Variants in PPP4R1 observed in about 807,000 individuals in gnomAD.
PPP4R1 encodes serine/threonine-protein phosphatase 4 regulatory subunit 1.
A neutral mutation model predicts 111.2 loss-of-function variants in PPP4R1; 42 were observed. The observed-to-expected ratio is 0.38, with a 90% CI of 0.29 to 0.49. The LOEUF is 0.49. PPP4R1 is among the 20% of genes least tolerant of loss of function. The pLI, the probability that PPP4R1 is intolerant of heterozygous loss-of-function variation, is 0.97. For synonymous variants in PPP4R1, 409 were observed against 405.5 expected, an observed-to-expected ratio of 1.01 and a Z score of -0.10; for missense variants, 1,012 against 1,161.6, an observed-to-expected ratio of 0.87 and a Z score of 1.87.
At chr18:9,564,561 C>T (rs1317219994) in intron 11 of PPP4R1, among the ~76,000 whole-genome samples, 1 of 152,156 alleles carries the variant, frequency 6.6e-6, no homozygotes, top group African/African-American at 2.4e-5. Flanking sequence ...AGAATTTCGG[C>T]TGCAATTTTC....
At chr18:9,550,464 C>T (rs1430463111) in intron 16 of PPP4R1, 66 bp from the exon 17 acceptor site, 4 of 1,489,388 alleles carry the variant, frequency 2.7e-6, no homozygotes. Context: ...ATAGGTTACC[C>T]ATTTAAATCA....
chr18:9,583,929 A>G (rs1221323349), intron 8 of PPP4R1, among the ~76,000 whole-genome samples: 2 of 152,124 alleles, frequency 1.3e-5, no homozygotes, highest in African/African-American at 4.8e-5. Context: ...CCAACATGAA[A>G]GATCACTGAT....
At chr18:9,593,407 A>G (rs2067243381) in intron 4 of PPP4R1, among the ~76,000 whole-genome samples, 1 of 151,502 alleles carries the variant, frequency 6.6e-6, no homozygotes, top group Admixed American at 6.6e-5. Flanking sequence ...ACCACACAGA[A>G]AGCAAGCTTT....
chr18:9,570,097 A>T (rs1432667542), intron 11 of PPP4R1, 60 bp downstream of exon 11: 1 of 1,462,218 alleles, frequency 6.8e-7, no homozygotes, highest in African/African-American at 1.4e-5. Flanking sequence ...AAATTTTTTT[A>T]AGATAGACAC....
chr18:9,573,876 A>G (rs1044327115), intron 10 of PPP4R1, among the ~76,000 whole-genome samples: 2 of 152,258 alleles, frequency 1.3e-5, no homozygotes, highest in African/African-American at 4.8e-5. Flanking sequence ...TAGTTTGTCC[A>G]AACTTAAAAC....
At chr18:9,587,368 G>A (rs887371113) in intron 6 of PPP4R1, 2 of 151,302 alleles carry the variant, frequency 1.3e-5, no homozygotes, top group Non-Finnish European at 2.9e-5. Flanking sequence ...TTAACAGAAA[G>A]CAGCCTTTTC....
At chr18:9,577,725 C>T (rs1173765732) in intron 9 of PPP4R1, among the ~76,000 whole-genome samples, 1 of 151,996 alleles carries the variant, frequency 6.6e-6, no homozygotes, top group Non-Finnish European at 1.5e-5. Flanking sequence ...TTTTTATCCT[C>T]TCTTGAATGT....
In PPP4R1 at chr18:9,614,539, G is replaced by A. The variant is rs1167807549; in HGVS notation, c.-55C>T. Reference sequence around the variant, plus strand: ...CCGGGGAGCCGGGGCTACATGGAGCGGCGCGAGCCGGGGAGCCGGTGGACG... The same window carrying A: ...CCGGGGAGCCGGGGCTACATGGAGCAGCGCGAGCCGGGGAGCCGGTGGACG... On this transcript the variant is annotated 5_prime_UTR_variant, in exon 1 of 20. Coordinates refer to ENST00000400556, the MANE Select transcript of PPP4R1 (RefSeq NM_001042388.3). This position sits in a 1 kb window ranked among gnomAD's most constrained non-coding sequence, Gnocchi z 4.1. The A allele has an allele frequency of 1.0e-6, 1 of 1,001,108 alleles. No individual in the cohort carries two copies. The highest frequency in any genetic ancestry group is 1.2e-6 in the Non-Finnish European group (1 of 841,218). 62.0% of individuals were successfully genotyped at this position (1,001,108 alleles called of 1,614,324 possible).
intron 2 of PPP4R1, among the ~76,000 whole-genome samples, chr18:9,606,260 G>A (rs2067480198): frequency 6.6e-6 from 1 of 152,094 alleles, no homozygotes; most frequent in African/African-American, 2.4e-5. Context: ...ACAGTGAAGG[G>A]GTTGGCCAAC....
chr18:9,574,300 A>T (rs1001272042), intron 10 of PPP4R1, among the ~76,000 whole-genome samples: 18 of 152,202 alleles, frequency 1.2e-4, no homozygotes, highest in Non-Finnish European at 2.4e-4. Flanking sequence ...GTTCCTTAGT[A>T]GAGACTATGG....
At position 9,601,321 on chromosome 18, in the gene PPP4R1, C is replaced by T. The variant is rs113202692; in HGVS notation, c.53-6168G>A. On this transcript the variant is annotated intron_variant, in intron 2 of 19. Transcript: ENST00000400556. ...GTAGATCACTTAGAGGTTAGGAGTT[C>T]GAGACCAGCCTGGCCAACATGGTAA... Among the ~76,000 whole-genome samples the T allele has an allele frequency of 5.3e-5, 8 of 151,160 alleles. 1 individual carries two copies. The highest frequency in any genetic ancestry group is 2.0e-4 in the Admixed American group (3 of 15,216).
intron 2 of PPP4R1, among the ~76,000 whole-genome samples, chr18:9,608,988 G>C (rs538676115): frequency 2.6e-5 from 4 of 152,198 alleles, no homozygotes; most frequent in African/African-American, 4.8e-5. Flanking sequence ...TTTTTTGGAG[G>C]GGGGAGGGCA....
At chr18:9,589,311 T>G (rs2067172507) in intron 4 of PPP4R1, among the ~76,000 whole-genome samples, 1 of 152,162 alleles carries the variant, frequency 6.6e-6, no homozygotes, top group East Asian at 1.9e-4. Context: ...TAGACTTAAC[T>G]AAGACTAAAA....
At position 9,604,062 on chromosome 18, in the gene PPP4R1, T is replaced by G. The variant is rs1285428866; in HGVS notation, c.53-8909A>C. The stretch of plus-strand genomic sequence containing the variant: ...GTATTTAGTCCATTTTAAAAAGTGA[T>G]ACAACTCTATGTTTAAAACACTGAT... On this transcript the variant is annotated intron_variant, in intron 2 of 19. Transcript: ENST00000400556. Among the ~76,000 whole-genome samples the G allele has an allele frequency of 2.0e-5, 3 of 152,324 alleles. No individual in the cohort carries two copies. The East Asian group carries it at 5.8e-4, about 29-fold the overall frequency.
At chr18:9,564,350 C>T (rs1018857398) in intron 11 of PPP4R1, among the ~76,000 whole-genome samples, 7 of 152,122 alleles carry the variant, frequency 4.6e-5, no homozygotes, top group African/African-American at 1.2e-4. Flanking sequence ...TTAAACAAAA[C>T]AATCAGTAAC....
intron 2 of PPP4R1, among the ~76,000 whole-genome samples, chr18:9,597,541 A>C (rs2145274827): frequency 6.6e-6 from 1 of 152,364 alleles, no homozygotes; most frequent in East Asian, 1.9e-4. Flanking sequence ...CGATCAAGTG[A>C]ACGAATCCTC....
intron 2 of PPP4R1, among the ~76,000 whole-genome samples, chr18:9,602,793 C>T (rs1319968713): frequency 6.9e-6 from 1 of 145,030 alleles, no homozygotes; most frequent in Non-Finnish European, 1.5e-5. Context: ...TGCACTCCAA[C>T]CTGGGCGACG....
chr18:9,583,351 G>C, intron 8 of PPP4R1, 76 bp from the exon 9 acceptor site: 2 of 1,296,404 alleles, frequency 1.5e-6, no homozygotes, highest in Non-Finnish European at 2.1e-6. Context: ...TTCATTTTCT[G>C]CTTTCACGCT....
rs1308948262 is a variant in PPP4R1 at position 9,553,380 on chromosome 18, G to C, written c.2233C>G (p.Gln745Glu). The C allele has an allele frequency of 6.2e-7, 1 of 1,601,130 alleles. No homozygotes were observed. The highest frequency in any genetic ancestry group is 8.6e-7 in the Non-Finnish European group (1 of 1,169,158). Reference protein sequence around the residue: ...DKRREYLYQLQEFLVTDNSRN... With the variant: ...DKRREYLYQLEEFLVTDNSRN... ...CTATTATCTGTCACCAAAAACTCCT[G>C]AAGTTGATAAAGATATTCTCTTCTT... is the stretch of plus-strand genomic sequence containing the variant. Residue 745 changes from glutamine (Q) to glutamate (E), a missense_variant, in exon 16 of 20, where the codon CAG (glutamine) becomes GAG (glutamate). Coordinates refer to ENST00000400556, the MANE Select transcript of PPP4R1 (RefSeq NM_001042388.3).
Sources: allele counts gnomAD v4.1 joint callset (sites outside exome capture counted in the v4.1 genomes callset), GRCh38; gene constraint gnomAD v4.1.1; non-coding constraint Gnocchi (gnomAD v3.1); transcripts MANE v1.5; gene names NCBI Gene and HGNC (gene_info 2026-07-23, HGNC 2026-07-21).